Variants in MAD1L1 observed in about 807,000 individuals in gnomAD.
MAD1L1 encodes mitotic arrest deficient 1 like 1.
Under a neutral mutation model 96.9 loss-of-function variants are expected in MAD1L1, and 95 were observed. The ratio of observed to expected loss-of-function variants is 0.98; its 90% CI spans 0.83 to 1.16. The LOEUF is 1.16. Among genes scored for constraint, MAD1L1 ranks in the 50% most tolerant of loss-of-function variants. The probability of loss-of-function intolerance (pLI) is 0.00; values close to 1 mark genes in which losing one functional copy is unlikely to be tolerated. For missense variants in MAD1L1, 1,007 were observed against 954.4 expected (o/e 1.06, Z -0.73); for synonymous variants, 473 against 396.6 (o/e 1.19, Z -2.29).
At chr7:2,037,876 G>T (rs1383529389) in intron 12 of MAD1L1, among the ~76,000 whole-genome samples, 1 of 152,154 alleles carries the variant, frequency 6.6e-6, no homozygotes, top group Non-Finnish European at 1.5e-5. Context: ...CAAGAGAAAG[G>T]AAGAGTCGCA....
chr7:2,215,369 T>C (rs1584570280), intron 9 of MAD1L1, among the ~76,000 whole-genome samples: 4 of 109,216 alleles, frequency 3.7e-5, no homozygotes, highest in East Asian at 2.7e-4. Flanking sequence ...AGGGCGAGAC[T>C]CCATCTCAAA....
At chr7:1,933,192 T>C (rs1789579474) in intron 17 of MAD1L1, among the ~76,000 whole-genome samples, 1 of 152,154 alleles carries the variant, frequency 6.6e-6, no homozygotes, top group South Asian at 2.1e-4. Flanking sequence ...AATCCCTGGG[T>C]ATCAGCTCCT....
chr7:1,899,085 C>A (rs1183866885), intron 17 of MAD1L1, among the ~76,000 whole-genome samples: 2 of 152,222 alleles, frequency 1.3e-5, no homozygotes, highest in South Asian at 4.1e-4. Context: ...CACCCCCAGG[C>A]CCACTGCCCC....
At chr7:2,060,908 A>C (rs1040903150) in intron 12 of MAD1L1, among the ~76,000 whole-genome samples, 1 of 152,280 alleles carries the variant, frequency 6.6e-6, no homozygotes, top group African/African-American at 2.4e-5. Context: ...AGCTGGCTGC[A>C]TGAACATCAA....
chr7:1,840,685 C>T (rs571073821), intron 18 of MAD1L1, among the ~76,000 whole-genome samples: 14 of 152,306 alleles, frequency 9.2e-5, no homozygotes, highest in East Asian at 1.9e-4. Flanking sequence ...GCCAAGATCG[C>T]GCCACTGCAC....
intron 10 of MAD1L1, among the ~76,000 whole-genome samples, chr7:2,177,146 T>A (rs1790987079): frequency 6.6e-6 from 1 of 152,202 alleles, no homozygotes; most frequent in Non-Finnish European, 1.5e-5. Flanking sequence ...TCTGGTCAAG[T>A]TTTTCTGTAT....
chr7:1,855,164 C>T (rs778723436), intron 18 of MAD1L1, among the ~76,000 whole-genome samples: 9 of 152,160 alleles, frequency 5.9e-5, no homozygotes, highest in South Asian at 2.1e-4. Flanking sequence ...AAGTCCAAGT[C>T]GACAGCCTCC....
chr7:2,010,011 C>G (rs983644663), intron 13 of MAD1L1, among the ~76,000 whole-genome samples: 3 of 151,734 alleles, frequency 2.0e-5, no homozygotes, highest in South Asian at 4.2e-4. Context: ...AGCCCAGACT[C>G]CAGGGTGGTT....
At chr7:2,014,429 C>T (rs1434531896) in intron 13 of MAD1L1, 73 bp downstream of exon 13, 25 of 1,485,384 alleles carry the variant, frequency 1.7e-5, no homozygotes, top group African/African-American at 2.8e-5. Context: ...ACCTCCCCGC[C>T]GCAGGCTCTG....
chr7:2,005,378 G>T (rs1356242845), intron 13 of MAD1L1, among the ~76,000 whole-genome samples: 1 of 152,078 alleles, frequency 6.6e-6, no homozygotes, highest in Admixed American at 6.5e-5. Flanking sequence ...TCGCTCTGTC[G>T]TCCGACAGGC....
intron 18 of MAD1L1, among the ~76,000 whole-genome samples, chr7:1,870,303 C>T (rs980218197): frequency 6.8e-6 from 1 of 147,988 alleles, no homozygotes; most frequent in Non-Finnish European, 1.5e-5. Context: ...TAACACCTGC[C>T]ACGCTGAACC....
chr7:2,072,486 G>A (rs913296184), intron 11 of MAD1L1, among the ~76,000 whole-genome samples: 3 of 152,198 alleles, frequency 2.0e-5, no homozygotes, highest in African/African-American at 2.4e-5. Flanking sequence ...CAAAGCTCAT[G>A]GGAAACACAT....
intron 11 of MAD1L1, among the ~76,000 whole-genome samples, chr7:2,078,390 C>G (rs1785479837): frequency 6.6e-6 from 1 of 152,208 alleles, no homozygotes; most frequent in Non-Finnish European, 1.5e-5. Flanking sequence ...AGGACTGGAT[C>G]AGACGCGTGC....
intron 17 of MAD1L1, among the ~76,000 whole-genome samples, chr7:1,906,536 C>T (rs1316934476): frequency 6.6e-6 from 1 of 152,264 alleles, no homozygotes; most frequent in Non-Finnish European, 1.5e-5. Flanking sequence ...GGCTCCTGTT[C>T]TCCGCATGCT....
chr7:2,078,755 G>C (rs1035861934), intron 11 of MAD1L1, among the ~76,000 whole-genome samples: 4 of 152,222 alleles, frequency 2.6e-5, no homozygotes, highest in African/African-American at 9.7e-5. Flanking sequence ...TGAGGAGGAA[G>C]GGGCTCAGAG....
chr7:1,981,886 A>G (rs563702101), intron 14 of MAD1L1, among the ~76,000 whole-genome samples: 76 of 152,266 alleles, frequency 5.0e-4, no homozygotes, highest in African/African-American at 1.8e-3. Context: ...AAACATCACT[A>G]TGTACCCCAT....
intron 12 of MAD1L1, among the ~76,000 whole-genome samples, chr7:2,032,544 C>T (rs1783275090): frequency 6.6e-6 from 1 of 152,240 alleles, no homozygotes; most frequent in Non-Finnish European, 1.5e-5. Flanking sequence ...CAACTGAAAG[C>T]TCATCTCAGC....
At chr7:1,886,838 A>G (rs1441703744) in intron 18 of MAD1L1, among the ~76,000 whole-genome samples, 2 of 152,252 alleles carry the variant, frequency 1.3e-5, no homozygotes, top group Non-Finnish European at 2.9e-5. Context: ...CTGTGGCCCT[A>G]GCCCTGCACC....
chr7:2,186,470 T>C (rs972344068), intron 10 of MAD1L1, among the ~76,000 whole-genome samples: 10 of 152,258 alleles, frequency 6.6e-5, no homozygotes, highest in African/African-American at 2.4e-4. Flanking sequence ...AAGACGTCCA[T>C]GCACATAAAA....
Sources: allele counts gnomAD v4.1 joint callset (sites outside exome capture counted in the v4.1 genomes callset), GRCh38; gene constraint gnomAD v4.1.1; transcripts MANE v1.5; gene names NCBI Gene and HGNC (gene_info 2026-07-23, HGNC 2026-07-21).